The following GRIP1 variants were observed in gnomAD, a reference collection of about 807,000 sequenced individuals.
GRIP1 encodes glutamate receptor interacting protein 1, also known as glutamate receptor-interacting protein 1.
A neutral mutation model predicts 129.9 loss-of-function variants in GRIP1; 45 were observed. The observed-to-expected ratio is 0.35, with a 90% confidence interval of 0.27 to 0.44. The LOEUF (loss-of-function observed/expected upper bound fraction) is 0.44, where lower values mean the gene tolerates loss of function less well. Among genes scored for constraint, GRIP1 ranks in the 20% least tolerant of loss-of-function variants. GRIP1 has a pLI of 1.00. For synonymous variants in GRIP1, 530 were observed against 520.8 expected (o/e 1.02, Z -0.24); for missense variants, 1,196 against 1,396.8 (o/e 0.86, Z 2.29).
At chr12:66,376,415 A>G (rs2055787735) in intron 22 of GRIP1, among the ~76,000 whole-genome samples, 1 of 152,190 alleles carries the variant, frequency 6.6e-6, no homozygotes, top group Non-Finnish European at 1.5e-5. Flanking sequence ...AGAAAATTTA[A>G]AAGAACATAA....
intron 1 of GRIP1, among the ~76,000 whole-genome samples, chr12:66,700,418 G>A (rs2035309990): frequency 6.6e-6 from 1 of 151,620 alleles, no homozygotes; most frequent in Non-Finnish European, 1.5e-5. Context: ...ATGGGAACCA[G>A]TGCCAGTGGC....
At chr12:66,649,836 T>C (rs1219415139) in intron 1 of GRIP1, among the ~76,000 whole-genome samples, 2 of 152,180 alleles carry the variant, frequency 1.3e-5, no homozygotes, top group South Asian at 2.1e-4. Flanking sequence ...CACATATGGA[T>C]GTAGGAATAT....
intron 1 of GRIP1, among the ~76,000 whole-genome samples, chr12:66,657,945 T>C (rs1222512578): frequency 1.3e-5 from 2 of 152,220 alleles, no homozygotes; most frequent in African/African-American, 4.8e-5. Context: ...ATTTAGGTTC[T>C]TACAGAAACA....
At chr12:66,867,114 G>C (rs1022744968) in intron 1 of GRIP1, among the ~76,000 whole-genome samples, 2 of 152,016 alleles carry the variant, frequency 1.3e-5, no homozygotes, top group African/African-American at 2.4e-5. Flanking sequence ...TCAGCTTCTC[G>C]AGTAGCTGAG....
chr12:67,035,106 G>A (rs1037584573), intron 1 of GRIP1, among the ~76,000 whole-genome samples: 8 of 152,088 alleles, frequency 5.3e-5, no homozygotes, highest in African/African-American at 1.2e-4. Flanking sequence ...ATTAAGTTTC[G>A]GGTGCTGTGG....
intron 1 of GRIP1, among the ~76,000 whole-genome samples, chr12:66,742,825 A>C (rs1462142882): frequency 6.6e-6 from 1 of 152,188 alleles, no homozygotes; most frequent in East Asian, 1.9e-4. Context: ...TTTATTATCT[A>C]TTTTTGACAA....
intron 1 of GRIP1, among the ~76,000 whole-genome samples, chr12:66,711,774 C>T (rs778492864): frequency 4.6e-5 from 7 of 151,794 alleles, no homozygotes; most frequent in Non-Finnish European, 1.0e-4. Context: ...CTGGGTCTGC[C>T]ACAATTAGAT....
chr12:66,731,675 A>C (rs752189435), intron 1 of GRIP1, among the ~76,000 whole-genome samples: 9 of 152,204 alleles, frequency 5.9e-5, no homozygotes, highest in Non-Finnish European at 1.3e-4. Flanking sequence ...ATAATAAAGA[A>C]ATTTTAAAAC....
At chr12:66,524,007 A>G (rs2139019837) in intron 5 of GRIP1, among the ~76,000 whole-genome samples, 1 of 152,318 alleles carries the variant, frequency 6.6e-6, no homozygotes, top group African/African-American at 2.4e-5. Context: ...CACCCAATAC[A>G]GGAGCACCCA....
intron 2 of GRIP1, among the ~76,000 whole-genome samples, chr12:66,589,825 AG>A (rs1490798321): frequency 6.6e-6 from 1 of 152,122 alleles, no homozygotes; most frequent in Non-Finnish European, 1.5e-5. Flanking sequence ...TCAATAGATA[AG>A]AAAAGAGTAT....
At chr12:66,406,798 A>T (rs1393169263) in intron 15 of GRIP1, among the ~76,000 whole-genome samples, 1 of 152,194 alleles carries the variant, frequency 6.6e-6, no homozygotes, top group Non-Finnish European at 1.5e-5. Context: ...GGTAGTCCAG[A>T]TACTAGGAGA....
intron 13 of GRIP1, among the ~76,000 whole-genome samples, chr12:66,440,367 C>T (rs2058438226): frequency 6.6e-6 from 1 of 152,072 alleles, no homozygotes; most frequent in South Asian, 2.1e-4. Context: ...TTATTTTTTA[C>T]TTCAGTCACC....
At chr12:66,449,517 G>A (rs2058718284) in intron 11 of GRIP1, among the ~76,000 whole-genome samples, 1 of 152,172 alleles carries the variant, frequency 6.6e-6, no homozygotes, top group South Asian at 2.1e-4. Context: ...AACATAGCCT[G>A]CAGTGGGGGG....
chr12:66,472,967 G>C (rs887526528), intron 7 of GRIP1, among the ~76,000 whole-genome samples: 1 of 152,126 alleles, frequency 6.6e-6, no homozygotes, highest in African/African-American at 2.4e-5. Context: ...TGGAATGCCA[G>C]TGAGAGAGAA....
chr12:66,949,886 GC>G (rs933901957), intron 1 of GRIP1, among the ~76,000 whole-genome samples: 1 of 147,658 alleles, frequency 6.8e-6, no homozygotes, highest in Admixed American at 6.9e-5. Context: ...TCCTGCCTCA[GC>G]CCCCCCGAGT....
intron 1 of GRIP1, among the ~76,000 whole-genome samples, chr12:67,004,577 T>C (rs999761806): frequency 1.3e-5 from 2 of 151,584 alleles, no homozygotes; most frequent in Non-Finnish European, 2.9e-5. Flanking sequence ...GAGGAGAGTA[T>C]AGAAAGGAAG....
chr12:66,413,994 C>T (rs1217516859), intron 15 of GRIP1, among the ~76,000 whole-genome samples: 1 of 151,996 alleles, frequency 6.6e-6, no homozygotes, highest in Non-Finnish European at 1.5e-5. Context: ...CAATATCATA[C>T]CGAATGGGCA....
chr12:66,901,148 A>G (rs1228604149), intron 1 of GRIP1, among the ~76,000 whole-genome samples: 3 of 152,244 alleles, frequency 2.0e-5, no homozygotes, highest in Non-Finnish European at 2.9e-5. Context: ...CAACTTTATT[A>G]TATCAGAGGG....
At chr12:66,556,150 G>A (rs1376158435) in intron 2 of GRIP1, among the ~76,000 whole-genome samples, 1 of 151,796 alleles carries the variant, frequency 6.6e-6, no homozygotes, top group Non-Finnish European at 1.5e-5. Flanking sequence ...CAAAGGCAAA[G>A]GAAAAAGAAA....
Sources: allele counts gnomAD v4.1 joint callset (sites outside exome capture counted in the v4.1 genomes callset), GRCh38; gene constraint gnomAD v4.1.1; transcripts MANE v1.5; gene names NCBI Gene and HGNC (gene_info 2026-07-23, HGNC 2026-07-21).